NRXN1: variants seen among roughly 807,000 people sequenced by gnomAD.
NRXN1 encodes neurexin 1, also known as neurexin-1.
Under a neutral mutation model 150.9 loss-of-function variants are expected in NRXN1, and 39 were observed. The ratio of observed to expected loss-of-function variants is 0.26; its 90% confidence interval spans 0.20 to 0.34. The LOEUF (loss-of-function observed/expected upper bound fraction) is 0.34. Among genes scored for constraint, NRXN1 ranks in the 10% least tolerant of loss-of-function variants. NRXN1 has a pLI of 1.00. For missense variants in NRXN1, 1,815 were observed against 1,949.9 expected (o/e 0.93, Z 1.30); for synonymous variants, 924 against 757.0 (o/e 1.22, Z -3.62).
intron 17 of NRXN1, among the ~76,000 whole-genome samples, chr2:50,336,817 CA>C (rs1178362443): frequency 2.0e-5 from 3 of 152,130 alleles, no homozygotes; most frequent in African/African-American, 4.8e-5. Context: ...GGAAGCGAAG[CA>C]CAAGGAAGCC....
chr2:50,275,987 C>A (rs867473916), intron 17 of NRXN1, among the ~76,000 whole-genome samples: 2,199 of 126,830 alleles, frequency 0.017, 7 homozygotes, highest in African/African-American at 0.025. Flanking sequence ...TCCTACCTTG[C>A]AAAAAAAAAA....
intron 18 of NRXN1, among the ~76,000 whole-genome samples, chr2:50,095,110 T>C (rs1700052412): frequency 6.6e-6 from 1 of 152,080 alleles, no homozygotes; most frequent in South Asian, 2.1e-4. Flanking sequence ...CCAGTGCAAG[T>C]GGGGGCTCCA....
chr2:50,708,951 T>C (rs538924252), intron 5 of NRXN1, among the ~76,000 whole-genome samples: 1 of 152,162 alleles, frequency 6.6e-6, no homozygotes, highest in Non-Finnish European at 1.5e-5. Context: ...GCTTTGGCCA[T>C]TGGCATTCAC....
intron 18 of NRXN1, among the ~76,000 whole-genome samples, chr2:50,091,738 T>C (rs1402842839): frequency 1.3e-5 from 2 of 152,190 alleles, no homozygotes; most frequent in Admixed American, 6.5e-5. Flanking sequence ...AGCCGCCTTC[T>C]TCCCAGAGGT....
Position 51,006,159 on chromosome 2 carries a change from G to A in NRXN1, c.772+21343C>T, listed in dbSNP as rs181781245. 2.0e-5 allele frequency among the ~76,000 whole-genome samples: 3 copies of A among 151,624 alleles called. No individual in the cohort carries two copies. The East Asian group carries it at 5.9e-4, about 30-fold the overall frequency. ...AGAACCTGTGTAGTTGTCTCACGTG[G>A]GTCCGCAGCTATTTATTTCCAATTT... On this transcript the variant is annotated intron_variant, in intron 2 of 22. Coordinates refer to ENST00000401669, the MANE Select transcript of NRXN1 (RefSeq NM_001330078.2).
intron 8 of NRXN1, among the ~76,000 whole-genome samples, chr2:50,599,420 C>T (rs1479194760): frequency 2.6e-5 from 4 of 152,246 alleles, no homozygotes; most frequent in East Asian, 1.9e-4. Context: ...TCTGACTTCT[C>T]GGTTCAATGC....
chr2:50,141,231 T>C (rs1558962151), intron 18 of NRXN1, among the ~76,000 whole-genome samples: 2 of 151,992 alleles, frequency 1.3e-5, no homozygotes, highest in South Asian at 2.1e-4. Flanking sequence ...AATTGGGCCA[T>C]GTGCTGGGAA....
chr2:50,380,251 C>T (rs913385362), intron 17 of NRXN1, among the ~76,000 whole-genome samples: 1 of 151,486 alleles, frequency 6.6e-6, no homozygotes, highest in Admixed American at 6.6e-5. Flanking sequence ...GTTTAGCTTA[C>T]CACATTGCTG....
At chr2:50,296,393 C>T (rs908805946) in intron 17 of NRXN1, among the ~76,000 whole-genome samples, 9 of 152,032 alleles carry the variant, frequency 5.9e-5, no homozygotes, top group Non-Finnish European at 8.8e-5. Context: ...CATGGGGATA[C>T]GAGTGCAGAT....
intron 18 of NRXN1, among the ~76,000 whole-genome samples, chr2:50,229,551 A>G (rs1346673579): frequency 6.6e-6 from 1 of 151,930 alleles, no homozygotes; most frequent in Non-Finnish European, 1.5e-5. Context: ...AGACACACAG[A>G]CTCTGTCTGG....
At chr2:50,745,857 C>T (rs1429045355) in intron 5 of NRXN1, among the ~76,000 whole-genome samples, 1 of 152,112 alleles carries the variant, frequency 6.6e-6, no homozygotes, top group Non-Finnish European at 1.5e-5. Context: ...TCCCTTTCAT[C>T]ACACGTGGGG....
chr2:50,734,285 C>G (rs920736334), intron 5 of NRXN1, among the ~76,000 whole-genome samples: 1 of 152,100 alleles, frequency 6.6e-6, no homozygotes, highest in Admixed American at 6.5e-5. Flanking sequence ...AGAGGAAGCA[C>G]TCTTTTAAGG....
At position 50,211,086 on chromosome 2, in the gene NRXN1, C is replaced by G. The variant is rs116798137; in HGVS notation, c.3546+25703G>C. On this transcript the variant is annotated intron_variant, in intron 18 of 22. Coordinates refer to ENST00000401669, the MANE Select transcript of NRXN1 (RefSeq NM_001330078.2). ...CATAATAAAATGTGGACATACCAAA[C>G]TGACTTGAAAAAAATTTAAAAGTGG... Among the ~76,000 whole-genome samples the G allele has an allele frequency of 8.3e-3, 1,257 of 151,514 alleles. 24 individuals carry two copies. Among genetic ancestry groups the G allele is most frequent in the African/African-American group, 0.029 (1,192 of 41,420 alleles).
intron 5 of NRXN1, among the ~76,000 whole-genome samples, chr2:50,800,700 C>T (rs536359801): frequency 2.6e-5 from 4 of 152,198 alleles, no homozygotes; most frequent in African/African-American, 7.2e-5. Context: ...CAGGCATGCA[C>T]CACCACGCCT....
At chr2:50,722,404 T>C (rs1559169101) in intron 5 of NRXN1, among the ~76,000 whole-genome samples, 1 of 152,210 alleles carries the variant, frequency 6.6e-6, no homozygotes, top group Non-Finnish European at 1.5e-5. Flanking sequence ...CAATAAAATA[T>C]TGGTCAGGTT....
intron 2 of NRXN1, among the ~76,000 whole-genome samples, chr2:51,023,205 C>T (rs1390988770): frequency 6.6e-6 from 1 of 152,184 alleles, no homozygotes; most frequent in African/African-American, 2.4e-5. Context: ...CTGTTCTCTA[C>T]ACTGTAGCTA....
chr2:50,748,733 C>T (rs1700264045), intron 5 of NRXN1, among the ~76,000 whole-genome samples: 1 of 151,996 alleles, frequency 6.6e-6, no homozygotes, highest in Non-Finnish European at 1.5e-5. Context: ...AAACTGGAGT[C>T]CCAACTGCCA....
At chr2:50,252,950 T>C (rs988228030) in intron 17 of NRXN1, among the ~76,000 whole-genome samples, 1 of 152,194 alleles carries the variant, frequency 6.6e-6, no homozygotes, top group Non-Finnish European at 1.5e-5. Flanking sequence ...CTGTAAAGAA[T>C]GTCAATGGTA....
intron 17 of NRXN1, among the ~76,000 whole-genome samples, chr2:50,411,567 G>A (rs1350898834): frequency 1.5e-4 from 23 of 151,598 alleles, no homozygotes; most frequent in Admixed American, 9.2e-4. Flanking sequence ...CTGCGACCCC[G>A]TCTGGGAACT....
Sources: gnomAD v4.1 joint callset for allele counts (sites outside exome capture counted in the v4.1 genomes callset) on GRCh38, gnomAD v4.1.1 for gene constraint, MANE v1.5 for transcripts, NCBI Gene and HGNC (gene_info 2026-07-23, HGNC 2026-07-21) for gene names.